MARCHF1: variants seen among roughly 807,000 people sequenced by gnomAD.
The protein encoded by MARCHF1 is E3 ubiquitin-protein ligase MARCHF1.
In MARCHF1, 40 loss-of-function variants were observed where a neutral mutation model predicts 54.2. The ratio of observed to expected loss-of-function variants is 0.74; its 90% confidence interval spans 0.57 to 0.96. The LOEUF (loss-of-function observed/expected upper bound fraction) is 0.96. Ranked by LOEUF, MARCHF1 falls within the 40% of genes least tolerant of loss-of-function variation. MARCHF1 has a pLI of 0.00. For synonymous variants in MARCHF1, 236 were observed against 236.3 expected (o/e 1.00, Z 0.01); for missense variants, 586 against 656.5 (o/e 0.89, Z 1.17).
At chr4:164,096,276 G>A (rs1014750659) in intron 2 of MARCHF1, among the ~76,000 whole-genome samples, 1 of 152,158 alleles carries the variant, frequency 6.6e-6, no homozygotes, top group African/African-American at 2.4e-5. Context: ...CAATATGGAT[G>A]CAGCTGGAGG....
chr4:164,173,781 A>T (rs1364993582), intron 1 of MARCHF1, among the ~76,000 whole-genome samples: 3 of 152,200 alleles, frequency 2.0e-5, no homozygotes. Context: ...AGAAGATGCC[A>T]GAGCCACACT....
intron 2 of MARCHF1, among the ~76,000 whole-genome samples, chr4:164,075,657 T>C (rs577842612): frequency 3.9e-5 from 6 of 152,246 alleles, no homozygotes; most frequent in East Asian, 1.9e-4. Flanking sequence ...GTCTAAGTGA[T>C]AGTTGAAACT....
chr4:164,350,690 A>G (rs1730264781), intron 1 of MARCHF1, among the ~76,000 whole-genome samples: 1 of 152,218 alleles, frequency 6.6e-6, no homozygotes. Context: ...CTCATATACC[A>G]AAGCATAGTA....
chr4:164,358,324 G>A (rs1290946369), intron 1 of MARCHF1, among the ~76,000 whole-genome samples: 1 of 152,018 alleles, frequency 6.6e-6, no homozygotes, highest in Non-Finnish European at 1.5e-5. Context: ...TGTCACTGGG[G>A]GACATAAATG....
At chr4:163,894,466 A>T (rs1362374326) in intron 3 of MARCHF1, among the ~76,000 whole-genome samples, 2 of 151,586 alleles carry the variant, frequency 1.3e-5, no homozygotes, top group Non-Finnish European at 2.9e-5. Flanking sequence ...ATAAACTTCA[A>T]TGCCAGCCTC....
At chr4:163,599,964 A>T (rs1316955119) in intron 7 of MARCHF1, among the ~76,000 whole-genome samples, 1 of 152,180 alleles carries the variant, frequency 6.6e-6, no homozygotes, top group Non-Finnish European at 1.5e-5. Context: ...TTCCATCAGT[A>T]AGTGTGTCAA....
chr4:163,552,354 G>C (rs1299288466), intron 8 of MARCHF1, among the ~76,000 whole-genome samples: 2 of 152,208 alleles, frequency 1.3e-5, no homozygotes, highest in African/African-American at 4.8e-5. Context: ...CTACCATCTT[G>C]AGACAGTGTG....
intron 2 of MARCHF1, among the ~76,000 whole-genome samples, chr4:164,005,445 A>G (rs1428040939): frequency 6.6e-6 from 1 of 152,196 alleles, no homozygotes; most frequent in Non-Finnish European, 1.5e-5. Context: ...ACAAACTCTG[A>G]GCAGATGGTA....
chr4:164,058,471 T>C (rs889942618), intron 2 of MARCHF1, among the ~76,000 whole-genome samples: 1 of 152,240 alleles, frequency 6.6e-6, no homozygotes, highest in Admixed American at 6.5e-5. Context: ...CAGGGATTCA[T>C]GCTCAGAAGG....
At chr4:164,293,418 G>A (rs368413915) in intron 1 of MARCHF1, among the ~76,000 whole-genome samples, 3 of 152,136 alleles carry the variant, frequency 2.0e-5, no homozygotes, top group African/African-American at 7.2e-5. Flanking sequence ...AGCTGTTTCT[G>A]TACAACACTT....
chr4:163,602,707 G>C lies in MARCHF1; in HGVS notation c.1010+9564C>G, dbSNP rs1741011579. Among the ~76,000 whole-genome samples the C allele has an allele frequency of 2.0e-5, 3 of 152,058 alleles. No homozygotes were observed. The South Asian group carries it at 6.2e-4, about 31-fold the overall frequency. ...CCTCTTAGAAATGAATGCTTCATTAGGTTGGTTAGTGTAATCTTTCTCACC... is the reference window on the plus strand; with the variant it reads ...CCTCTTAGAAATGAATGCTTCATTACGTTGGTTAGTGTAATCTTTCTCACC... On this transcript the variant is annotated intron_variant, in intron 7 of 9. Transcript: ENST00000514618.
At chr4:163,988,908 C>T (rs1752919680) in intron 2 of MARCHF1, 199 bp from the exon 3 acceptor site, 1 of 152,178 alleles carries the variant, frequency 6.6e-6, no homozygotes, top group Non-Finnish European at 1.5e-5. Context: ...CCCCCTCTCC[C>T]CTAAGAGCAT....
chr4:163,795,929 G>C (rs1747901597), intron 4 of MARCHF1, among the ~76,000 whole-genome samples: 1 of 152,148 alleles, frequency 6.6e-6, no homozygotes. Context: ...AATAAAGTAA[G>C]CTAGAGAAAA....
At chr4:164,215,748 G>T (rs1731912827) in intron 1 of MARCHF1, among the ~76,000 whole-genome samples, 1 of 152,134 alleles carries the variant, frequency 6.6e-6, no homozygotes, top group East Asian at 1.9e-4. Flanking sequence ...AATAGCCAGA[G>T]CACAAGGACA....
intron 4 of MARCHF1, among the ~76,000 whole-genome samples, chr4:163,836,575 C>G (rs13147504): frequency 0.89 from 17,452 of 19,524 alleles, 8,217 homozygotes; most frequent in Middle Eastern, 1. Flanking sequence ...TTTACTCTAC[C>G]TTATATTTCA....
intron 4 of MARCHF1, among the ~76,000 whole-genome samples, chr4:163,719,018 T>A (rs1456107836): frequency 6.6e-6 from 1 of 152,196 alleles, no homozygotes. Context: ...GAAGTGGGTA[T>A]ATCTTCAAGC....
At chr4:163,775,791 G>A (rs1308333947) in intron 4 of MARCHF1, among the ~76,000 whole-genome samples, 1 of 152,048 alleles carries the variant, frequency 6.6e-6, no homozygotes, top group African/African-American at 2.4e-5. Context: ...ATAAAAAAAG[G>A]GGGAAAAAAG....
intron 9 of MARCHF1, among the ~76,000 whole-genome samples, chr4:163,541,264 T>C (rs1420527872): frequency 6.6e-6 from 1 of 152,234 alleles, no homozygotes; most frequent in African/African-American, 2.4e-5. Flanking sequence ...GAAAACAAAG[T>C]CAATTTGTTA....
intron 2 of MARCHF1, among the ~76,000 whole-genome samples, chr4:164,011,984 C>A (rs1230146991): frequency 3.3e-5 from 5 of 152,134 alleles, no homozygotes; most frequent in Non-Finnish European, 7.4e-5. Flanking sequence ...CAGCACAGGG[C>A]AGAATTCTGA....
Sources: allele counts gnomAD v4.1 joint callset (sites outside exome capture counted in the v4.1 genomes callset), GRCh38; gene constraint gnomAD v4.1.1; transcripts MANE v1.5; gene names NCBI Gene and HGNC (gene_info 2026-07-23, HGNC 2026-07-21).